Variants in SLC24A3 observed in about 807,000 individuals in gnomAD.
SLC24A3 encodes solute carrier family 24 member 3, also known as sodium/potassium/calcium exchanger 3.
Under a neutral mutation model 75.8 loss-of-function variants are expected in SLC24A3, and 28 were observed. That is an observed-to-expected ratio of 0.37 (90% CI 0.27 to 0.51). The LOEUF is 0.51. Among genes scored for constraint, SLC24A3 ranks in the 20% least tolerant of loss-of-function variants. The pLI, the probability that SLC24A3 is intolerant of heterozygous loss-of-function variation, is 0.94. For synonymous variants in SLC24A3, 372 were observed against 334.1 expected, an observed-to-expected ratio of 1.11 and a Z score of -1.24; for missense variants, 663 against 847.8, an observed-to-expected ratio of 0.78 and a Z score of 2.71.
At chr20:19,348,984 G>A (rs8123467) in intron 2 of SLC24A3, among the ~76,000 whole-genome samples, 17,182 of 152,048 alleles carry the variant, frequency 0.11, 2,605 homozygotes, top group African/African-American at 0.35. Context: ...TATGCAATTT[G>A]TCTGTCTGCA....
intron 12 of SLC24A3, among the ~76,000 whole-genome samples, chr20:19,688,944 G>T (rs1568698903): frequency 6.6e-6 from 1 of 151,896 alleles, no homozygotes; most frequent in Non-Finnish European, 1.5e-5. Context: ...GTTTATATAT[G>T]TATATACTAT....
At chr20:19,494,942 A>G (rs1984928) in intron 2 of SLC24A3, among the ~76,000 whole-genome samples, 67,844 of 152,038 alleles carry the variant, frequency 0.45, 15,610 homozygotes, top group African/African-American at 0.55. Context: ...CTCCAGAGAA[A>G]AGGAGTGAGA....
At chr20:19,231,291 T>A (rs1380094916) in intron 1 of SLC24A3, among the ~76,000 whole-genome samples, 1 of 152,218 alleles carries the variant, frequency 6.6e-6, no homozygotes, top group Non-Finnish European at 1.5e-5. Context: ...CGAAGATGTT[T>A]ACGTCCGAAT....
At chr20:19,261,160 T>G (rs1018596628) in intron 1 of SLC24A3, among the ~76,000 whole-genome samples, 1 of 152,186 alleles carries the variant, frequency 6.6e-6, no homozygotes, top group Non-Finnish European at 1.5e-5. Context: ...AAGATGGGAA[T>G]TTATTCCAGA....
chr20:19,686,673 G>A (rs73118134), intron 12 of SLC24A3, among the ~76,000 whole-genome samples: 19,172 of 152,196 alleles, frequency 0.13, 1,495 homozygotes, highest in Non-Finnish European at 0.18. Flanking sequence ...GGGTCTTGCT[G>A]TGCTCCAGGG....
At chr20:19,358,620 A>G (rs572675349) in intron 2 of SLC24A3, among the ~76,000 whole-genome samples, 1 of 152,344 alleles carries the variant, frequency 6.6e-6, no homozygotes, top group East Asian at 1.9e-4. Context: ...TTAAGAAAAC[A>G]TGGTGTAAAG....
intron 1 of SLC24A3, among the ~76,000 whole-genome samples, chr20:19,259,909 C>T (rs1030619374): frequency 1.3e-5 from 2 of 152,174 alleles, no homozygotes; most frequent in Non-Finnish European, 1.5e-5. Flanking sequence ...AGGTCTCTCC[C>T]TCCCATGTCT....
At chr20:19,497,969 A>C (rs1030661565) in intron 2 of SLC24A3, among the ~76,000 whole-genome samples, 17 of 152,144 alleles carry the variant, frequency 1.1e-4, no homozygotes, top group Non-Finnish European at 2.2e-4. Context: ...GTAAAGCTTC[A>C]TCCGTATTTA....
At chr20:19,337,781 C>G (rs905103466) in intron 2 of SLC24A3, among the ~76,000 whole-genome samples, 8 of 152,146 alleles carry the variant, frequency 5.3e-5, no homozygotes, top group Non-Finnish European at 1.0e-4. Context: ...TGAGCTTGTT[C>G]ATGCCTCTGT....
At chr20:19,552,121 A>C (rs1213585170) in intron 3 of SLC24A3, among the ~76,000 whole-genome samples, 1 of 152,200 alleles carries the variant, frequency 6.6e-6, no homozygotes, top group Non-Finnish European at 1.5e-5. Context: ...TTTCATTGTT[A>C]GTACGTTCCT....
chr20:19,586,878 CCT>C (rs1295668544), intron 6 of SLC24A3, among the ~76,000 whole-genome samples: 1 of 152,206 alleles, frequency 6.6e-6, no homozygotes. Context: ...CTCTTCTCAT[CCT>C]CTCAGTCAAT....
chr20:19,446,751 C>T (rs1254816839), intron 2 of SLC24A3, among the ~76,000 whole-genome samples: 1 of 152,218 alleles, frequency 6.6e-6, no homozygotes, highest in East Asian at 1.9e-4. Context: ...TTTAGAGTGA[C>T]TTTTGGTGAG....
chr20:19,253,368 C>T (rs969961770), intron 1 of SLC24A3, among the ~76,000 whole-genome samples: 1 of 152,210 alleles, frequency 6.6e-6, no homozygotes, highest in Admixed American at 6.5e-5. Context: ...AAGGTGTGCG[C>T]AGCACAGGCT....
At chr20:19,704,526 A>C (rs896982027) in intron 15 of SLC24A3, among the ~76,000 whole-genome samples, 6 of 152,230 alleles carry the variant, frequency 3.9e-5, no homozygotes, top group Non-Finnish European at 8.8e-5. Flanking sequence ...GTGGGGAAGG[A>C]TAGACAGTAC....
At chr20:19,395,015 A>G (rs1986429045) in intron 2 of SLC24A3, among the ~76,000 whole-genome samples, 2 of 152,240 alleles carry the variant, frequency 1.3e-5, no homozygotes, top group South Asian at 2.1e-4. Context: ...GCGTATACAT[A>G]CAGCATTATT....
At chr20:19,607,482 C>T (rs768357992) in intron 6 of SLC24A3, among the ~76,000 whole-genome samples, 24 of 152,164 alleles carry the variant, frequency 1.6e-4, no homozygotes, top group Non-Finnish European at 3.4e-4. Flanking sequence ...GAGGCAGGCT[C>T]CAATTGGGGG....
At chr20:19,556,010 TA>T (rs2030777360) in intron 3 of SLC24A3, among the ~76,000 whole-genome samples, 1 of 152,166 alleles carries the variant, frequency 6.6e-6, no homozygotes, top group Non-Finnish European at 1.5e-5. Flanking sequence ...TGGTGTCTGG[TA>T]AGGCCTTTCT....
Position 19,212,786 on chromosome 20 carries a change from GCCGCCCGCGACAGGAGCGGCCGCCGC to G in SLC24A3, c.-51_-26del. 1.0e-6 allele frequency: 1 copy of G among 978,050 alleles called. No individual in the cohort carries two copies. 60.6% of individuals were successfully genotyped at this position (978,050 alleles called of 1,614,324 possible). ...GCCTCCTGCCGCTGTCCCCGCCGCG[GCCGCCCGCGACAGGAGCGGCCGCCGC>G]CCGCCGAGGCCGCCGCCCGGCCGCC... On this transcript the variant is annotated 5_prime_UTR_variant, in exon 1 of 17. Coordinates refer to ENST00000328041, the MANE Select transcript of SLC24A3 (RefSeq NM_020689.4).
At chr20:19,228,026 C>T (rs920681285) in intron 1 of SLC24A3, among the ~76,000 whole-genome samples, 3 of 152,106 alleles carry the variant, frequency 2.0e-5, no homozygotes, top group African/African-American at 7.2e-5. Flanking sequence ...ATGATTATTT[C>T]TCTATTTCTT....
Sources: allele counts gnomAD v4.1 joint callset (sites outside exome capture counted in the v4.1 genomes callset), GRCh38; gene constraint gnomAD v4.1.1; transcripts MANE v1.5; gene names NCBI Gene and HGNC (gene_info 2026-07-23, HGNC 2026-07-21).